NKAIN2: variants seen among roughly 807,000 people sequenced by gnomAD.
NKAIN2 encodes the protein sodium/potassium transporting ATPase interacting 2, also known as sodium/potassium-transporting ATPase subunit beta-1-interacting protein 2.
Under a neutral mutation model 32.6 loss-of-function variants are expected in NKAIN2, and 14 were observed. The ratio of observed to expected loss-of-function variants is 0.43; its 90% CI spans 0.28 to 0.67. The LOEUF is 0.67. NKAIN2 is among the 30% of genes least tolerant of loss of function. The pLI is 0.17. For synonymous variants in NKAIN2, 80 were observed against 87.2 expected, an observed-to-expected ratio of 0.92 and a Z score of 0.46; for missense variants, 198 against 258.3, an observed-to-expected ratio of 0.77 and a Z score of 1.60.
At chr6:124,531,608 T>G (rs904502608) in intron 3 of NKAIN2, among the ~76,000 whole-genome samples, 1 of 152,198 alleles carries the variant, frequency 6.6e-6, no homozygotes, top group East Asian at 1.9e-4. Context: ...TCTGGAAGAA[T>G]TTGAGCTCAC....
intron 4 of NKAIN2, among the ~76,000 whole-genome samples, chr6:124,679,879 C>A (rs1773535449): frequency 6.6e-6 from 1 of 152,134 alleles, no homozygotes; most frequent in Admixed American, 6.5e-5. Context: ...AGGATTTTTA[C>A]ATGAGAGCTG....
intron 1 of NKAIN2, among the ~76,000 whole-genome samples, chr6:123,953,787 C>T (rs965745569): frequency 6.6e-6 from 1 of 152,162 alleles, no homozygotes; most frequent in African/African-American, 2.4e-5. Context: ...GATGGATGAT[C>T]CCCAAGCCCA....
intron 3 of NKAIN2, among the ~76,000 whole-genome samples, chr6:124,397,419 G>A (rs1012420713): frequency 6.6e-6 from 1 of 151,790 alleles, no homozygotes; most frequent in South Asian, 2.1e-4. Context: ...CCAAATAATA[G>A]CTAACAATTG....
rs935509629 is a variant in NKAIN2, at chr6:124,472,880, G to A, written c.273+117533G>A. Among the ~76,000 whole-genome samples, 6 of 152,158 alleles carry A rather than the reference G, an allele frequency of 3.9e-5. No individual in the cohort carries two copies. The East Asian group carries it at 1.2e-3, about 29-fold the overall frequency. On this transcript the variant is annotated intron_variant, in intron 3 of 6. Transcript: ENST00000368417. ...TATTTTTTATGTAAAGAAAGAGAAT[G>A]TGTGTGCTATCTAGATATATAAATA...
chr6:124,574,334 G>A (rs2114925147), intron 3 of NKAIN2, among the ~76,000 whole-genome samples: 1 of 151,228 alleles, frequency 6.6e-6, no homozygotes, highest in South Asian at 2.1e-4. Context: ...AAATACCAGT[G>A]AGGTTGGGCA....
At chr6:124,587,105 C>T (rs1781738233) in intron 3 of NKAIN2, among the ~76,000 whole-genome samples, 1 of 152,172 alleles carries the variant, frequency 6.6e-6, no homozygotes, top group African/African-American at 2.4e-5. Context: ...TTGAGTACCA[C>T]ATGCACTTGC....
At position 124,805,560 on chromosome 6, in the gene NKAIN2, C is replaced by T. The variant is rs538525395; in HGVS notation, c.536-12827C>T. 9.4e-4 allele frequency among the ~76,000 whole-genome samples: 143 copies of T among 152,256 alleles called. 1 individual carries two copies. Among genetic ancestry groups the T allele is most frequent in the Middle Eastern group, 6.8e-3 (2 of 294 alleles). On this transcript the variant is annotated intron_variant, in intron 5 of 6. Coordinates refer to ENST00000368417, the MANE Select transcript of NKAIN2 (RefSeq NM_001040214.3). ...ATGGGGAAAAAACAGAGCAGAAAAA[C>T]TGGAAACTCTAAAAAGCAGAGCATC...
rs1554231963 is a variant in NKAIN2 at position 123,976,402 on chromosome 6, T to TATAC, written c.54+172151_54+172152insCATA. Among the ~76,000 whole-genome samples the TATAC allele has an allele frequency of 5.5e-4, 34 of 62,070 alleles. 2 individuals are homozygous for TATAC. The highest frequency in any genetic ancestry group is 9.3e-4 in the Non-Finnish European group (29 of 31,348). The allele number at this position is 62,070 out of a possible 152,430, so 40.7% of individuals were successfully genotyped here. A position where few individuals can be genotyped will look rare whatever the true frequency, so the allele number is the denominator to read the frequency against. On this transcript the variant is annotated intron_variant, in intron 1 of 6. Transcript: ENST00000368417. ...ATATATATATATATATATATATATA[T>TATAC]ATATATATATATATGGAAAGAGAGA... is the stretch of plus-strand genomic sequence containing the variant.
chr6:124,703,515 G>T (rs996127590), intron 4 of NKAIN2, among the ~76,000 whole-genome samples: 4 of 151,898 alleles, frequency 2.6e-5, no homozygotes, highest in Non-Finnish European at 1.5e-5. Flanking sequence ...ATTAATCCAT[G>T]CATTCAACTG....
intron 5 of NKAIN2, among the ~76,000 whole-genome samples, chr6:124,811,928 C>A (rs1780918689): frequency 6.6e-6 from 1 of 152,084 alleles, no homozygotes; most frequent in African/African-American, 2.4e-5. Flanking sequence ...ATCCCTCCGA[C>A]AAGGCAGAGA....
chr6:124,698,493 T>G (rs2114560453), intron 4 of NKAIN2, among the ~76,000 whole-genome samples: 1 of 152,286 alleles, frequency 6.6e-6, no homozygotes, highest in Admixed American at 6.5e-5. Context: ...TGCTTAATTT[T>G]TAAATAATTG....
chr6:123,952,190 T>A (rs1777360060), intron 1 of NKAIN2, among the ~76,000 whole-genome samples: 2 of 152,134 alleles, frequency 1.3e-5, no homozygotes, highest in South Asian at 4.1e-4. Flanking sequence ...TGTTAAAAAA[T>A]TTTTCTTTCA....
intron 4 of NKAIN2, among the ~76,000 whole-genome samples, chr6:124,743,453 A>C (rs1583777100): frequency 6.6e-6 from 1 of 151,934 alleles, no homozygotes; most frequent in East Asian, 2.0e-4. Context: ...TTTTTAAATC[A>C]ATAAATTGCC....
At chr6:123,975,313 T>C (rs1021059370) in intron 1 of NKAIN2, among the ~76,000 whole-genome samples, 7 of 152,158 alleles carry the variant, frequency 4.6e-5, no homozygotes, top group African/African-American at 1.7e-4. Flanking sequence ...CACTTGAATG[T>C]GAAAAAAATT....
At chr6:124,194,312 A>G (rs956149500) in intron 1 of NKAIN2, among the ~76,000 whole-genome samples, 1 of 151,986 alleles carries the variant, frequency 6.6e-6, no homozygotes, top group Non-Finnish European at 1.5e-5. Context: ...TAATGTAGCC[A>G]TACCATTTTT....
chr6:124,077,550 G>A (rs953704922), intron 1 of NKAIN2, among the ~76,000 whole-genome samples: 3 of 152,076 alleles, frequency 2.0e-5, no homozygotes, highest in Admixed American at 6.6e-5. Context: ...TTTTATCAAT[G>A]CAGCAGCCAA....
At chr6:124,386,781 G>A (rs1005782815) in intron 3 of NKAIN2, among the ~76,000 whole-genome samples, 1 of 152,070 alleles carries the variant, frequency 6.6e-6, no homozygotes, top group African/African-American at 2.4e-5. Context: ...GCTGCTGCAG[G>A]CTTCATCTTC....
In NKAIN2 at chr6:124,229,718, A is replaced by C. The variant is rs371194844; in HGVS notation, c.55-53287A>C. On this transcript the variant is annotated intron_variant, in intron 1 of 6. Transcript: ENST00000368417. ...ATAGTGAGATCTGATAGCTTTAAAA[A>C]TGGGAGTTTCCCTGCACAGGCTCTC... Among the ~76,000 whole-genome samples, 57 of 152,224 alleles carry C rather than the reference A, an allele frequency of 3.7e-4. No homozygotes were observed. The South Asian group carries it at 0.011, about 28-fold the overall frequency.
At chr6:123,850,886 ACT>A (rs1010242005) in intron 1 of NKAIN2, among the ~76,000 whole-genome samples, 2 of 151,844 alleles carry the variant, frequency 1.3e-5, no homozygotes, top group African/African-American at 4.8e-5. Context: ...ACTGGTAACT[ACT>A]CTCTATTTCT....
Sources: allele counts gnomAD v4.1 joint callset (sites outside exome capture counted in the v4.1 genomes callset), GRCh38; gene constraint gnomAD v4.1.1; transcripts MANE v1.5; gene names NCBI Gene and HGNC (gene_info 2026-07-23, HGNC 2026-07-21).